CRLS1: variants seen among roughly 807,000 people sequenced by gnomAD.
The protein encoded by CRLS1 is cardiolipin synthase 1.
A neutral mutation model predicts 37.0 loss-of-function variants in CRLS1; 24 were observed. That is an observed-to-expected ratio of 0.65 (90% CI 0.47 to 0.91). The LOEUF (loss-of-function observed/expected upper bound fraction) is 0.91, where lower values mean the gene tolerates loss of function less well. Ranked by LOEUF, CRLS1 falls within the 40% of genes least tolerant of loss-of-function variation. The pLI, the probability that CRLS1 is intolerant of heterozygous loss-of-function variation, is 0.00. For synonymous variants in CRLS1, 135 were observed against 159.7 expected (o/e 0.85, Z 1.17); for missense variants, 373 against 395.8 (o/e 0.94, Z 0.49).
chr20:6,019,615 G>C (rs1323446084), intron 3 of CRLS1, among the ~76,000 whole-genome samples: 1 of 130,992 alleles, frequency 7.6e-6, no homozygotes, highest in East Asian at 2.3e-4. Context: ...CTGATCTGTT[G>C]TTTACTACTT....
chr20:6,032,722 A>G (rs1426460263), intron 5 of CRLS1, among the ~76,000 whole-genome samples: 1 of 152,360 alleles, frequency 6.6e-6, no homozygotes, highest in East Asian at 1.9e-4. Context: ...AGTATATGCC[A>G]GTCTACCTCT....
intron 3 of CRLS1, among the ~76,000 whole-genome samples, chr20:6,028,019 TC>T (rs1435939393): frequency 6.6e-6 from 1 of 152,256 alleles, no homozygotes; most frequent in East Asian, 1.9e-4. Context: ...TGTTTTTATA[TC>T]CTTTCATTTC....
intron 2 of CRLS1, among the ~76,000 whole-genome samples, chr20:6,013,683 G>A (rs544399146): frequency 6.6e-6 from 1 of 152,298 alleles, no homozygotes; most frequent in South Asian, 2.1e-4. Flanking sequence ...GGTAAATATG[G>A]TAAACAAGTG....
intron 3 of CRLS1, among the ~76,000 whole-genome samples, chr20:6,020,550 A>G (rs151337387): frequency 6.6e-5 from 10 of 152,130 alleles, no homozygotes; most frequent in Admixed American, 1.3e-4. Context: ...CTTGAAATGA[A>G]TTGAAATGAA....
At chr20:6,019,853 G>A (rs111839733) in intron 3 of CRLS1, among the ~76,000 whole-genome samples, 2,094 of 151,634 alleles carry the variant, frequency 0.014, 45 homozygotes, top group African/African-American at 0.047. Context: ...TAGTAGAGAC[G>A]GAGTTTCACC....
chr20:6,024,691 C>A (rs1979537352), intron 3 of CRLS1, among the ~76,000 whole-genome samples: 1 of 152,126 alleles, frequency 6.6e-6, no homozygotes, highest in African/African-American at 2.4e-5. Context: ...GCCGGTTGTG[C>A]CAAATAGCTA....
Position 6,037,654 on chromosome 20 carries a change from AAAGTG to A in CRLS1, c.*501_*505del. 1 of 152,388 alleles carries A rather than the reference AAAGTG, an allele frequency of 6.6e-6. No homozygotes were observed. Among genetic ancestry groups the A allele is most frequent in the African/African-American group, 2.4e-5 (1 of 41,568 alleles). The allele number at this position is 152,388 out of a possible 1,614,324, so 9.4% of individuals were successfully genotyped here. A position where few individuals can be genotyped will look rare whatever the true frequency, so the allele number is the denominator to read the frequency against. The stretch of plus-strand genomic sequence containing the variant: ...TAATACCTGATCATTTGGGATAATG[AAAGTG>A]AAGTTAGTTGTAGATGAAGTAAAGT... On this transcript the variant is annotated 3_prime_UTR_variant, in exon 7 of 7. Coordinates refer to ENST00000378863, the MANE Select transcript of CRLS1 (RefSeq NM_019095.6).
chr20:6,009,309 C>T (rs2090101012), intron 1 of CRLS1, among the ~76,000 whole-genome samples: 2 of 146,270 alleles, frequency 1.4e-5, no homozygotes, highest in South Asian at 2.2e-4. Flanking sequence ...GGCAACAGAA[C>T]TAGACTCCAT....
At chr20:6,011,617 ACT>A (rs1285525860) in intron 2 of CRLS1, among the ~76,000 whole-genome samples, 2 of 48,042 alleles carry the variant, frequency 4.2e-5, no homozygotes, top group Admixed American at 6.6e-4. Context: ...GGGGAGACTG[ACT>A]CTGTCGCCCA....
intron 3 of CRLS1, among the ~76,000 whole-genome samples, chr20:6,019,675 G>T (rs1343124785): frequency 7.4e-6 from 1 of 135,868 alleles, no homozygotes; most frequent in Admixed American, 7.5e-5. Flanking sequence ...TTTCTTTGCT[G>T]TTCTTTTTCG....
At chr20:6,029,648 C>T (rs572111837) in intron 3 of CRLS1, among the ~76,000 whole-genome samples, 2 of 152,248 alleles carry the variant, frequency 1.3e-5, no homozygotes, top group African/African-American at 4.8e-5. Context: ...CATGAGCCAC[C>T]GTGCAGGTTT....
intron 3 of CRLS1, among the ~76,000 whole-genome samples, chr20:6,027,999 A>G (rs950347364): frequency 6.6e-6 from 1 of 152,294 alleles, no homozygotes; most frequent in Non-Finnish European, 1.5e-5. Flanking sequence ...TCCTCTACTT[A>G]TTCTCTTTGT....
At position 6,009,766 on chromosome 20, in the gene CRLS1, G is replaced by A. The variant is rs952575203; in HGVS notation, c.307-9G>A. On this transcript the variant is annotated splice_polypyrimidine_tract_variant and intron_variant, in intron 1 of 6. Transcript: ENST00000378863. Reference sequence around the variant, plus strand: ...ATTTTACTTAAATTTTGTTGTCTTTGTGTTTCAGTATGAAAACCCATGGAC... The same window carrying A: ...ATTTTACTTAAATTTTGTTGTCTTTATGTTTCAGTATGAAAACCCATGGAC... 2 of 1,601,910 alleles carry A rather than the reference G, an allele frequency of 1.2e-6. No homozygotes were observed. Among genetic ancestry groups the A allele is most frequent in the Admixed American group, 1.7e-5 (1 of 58,840 alleles).
At chr20:6,021,362 C>T (rs368334196) in intron 3 of CRLS1, among the ~76,000 whole-genome samples, 2 of 152,202 alleles carry the variant, frequency 1.3e-5, no homozygotes, top group South Asian at 2.1e-4. Flanking sequence ...CCTCTGCACC[C>T]GGCCTGCTTT....
intron 1 of CRLS1, chr20:6,006,928 G>C (rs975516826): frequency 1.6e-5 from 10 of 635,468 alleles, no homozygotes; most frequent in African/African-American, 6.0e-5. Context: ...ATTTAGAAAG[G>C]TATACAGGCC....
intron 3 of CRLS1, among the ~76,000 whole-genome samples, chr20:6,017,968 A>G (rs905051614): frequency 6.6e-6 from 1 of 152,142 alleles, no homozygotes; most frequent in Non-Finnish European, 1.5e-5. Flanking sequence ...CTGTAATCGC[A>G]GCACTTTGGG....
chr20:6,033,460 G>A (rs559713648), intron 5 of CRLS1, among the ~76,000 whole-genome samples: 125 of 152,230 alleles, frequency 8.2e-4, no homozygotes, highest in African/African-American at 2.9e-3. Flanking sequence ...AAATGAAGTA[G>A]AATCCTTCTC....
chr20:6,024,960 C>T lies in CRLS1; in HGVS notation c.575-6325C>T, dbSNP rs547996012. The stretch of plus-strand genomic sequence containing the variant: ...TTGCAGAAGAAAAGTTGGAAGCTAG[C>T]CAACCTTGGTTTGTGCAGTTTAAGG... On this transcript the variant is annotated intron_variant, in intron 3 of 6. Coordinates refer to ENST00000378863, the MANE Select transcript of CRLS1 (RefSeq NM_019095.6). Among the ~76,000 whole-genome samples the T allele has an allele frequency of 2.1e-3, 317 of 152,292 alleles. 2 individuals are homozygous for T. Among genetic ancestry groups the T allele is most frequent in the African/African-American group, 7.5e-3 (311 of 41,560 alleles).
At chr20:6,028,565 G>A (rs1979903632) in intron 3 of CRLS1, 1 of 152,148 alleles carries the variant, frequency 6.6e-6, no homozygotes, top group African/African-American at 2.4e-5. Context: ...TAGTGTTGAT[G>A]TTAACCATTT....
Sources: gnomAD v4.1 joint callset for allele counts (sites outside exome capture counted in the v4.1 genomes callset) on GRCh38, gnomAD v4.1.1 for gene constraint, MANE v1.5 for transcripts, NCBI Gene and HGNC (gene_info 2026-07-23, HGNC 2026-07-21) for gene names.